Variants in SLC4A4 observed in about 807,000 individuals in gnomAD.
SLC4A4 encodes the protein solute carrier family 4 member 4, also known as electrogenic sodium bicarbonate cotransporter 1.
A neutral mutation model predicts 111.5 loss-of-function variants in SLC4A4; 27 were observed. That is an observed-to-expected ratio of 0.24 (90% confidence interval 0.18 to 0.33). SLC4A4 has a LOEUF of 0.33. Among genes scored for constraint, SLC4A4 ranks in the 10% least tolerant of loss-of-function variants. The pLI is 1.00. For synonymous variants in SLC4A4, 443 were observed against 463.4 expected (o/e 0.96, Z 0.57); for missense variants, 909 against 1,315.5 (o/e 0.69, Z 4.78).
chr4:71,445,810 A>AC (rs1336778144), intron 8 of SLC4A4, among the ~76,000 whole-genome samples: 6 of 152,234 alleles, frequency 3.9e-5, no homozygotes, highest in Non-Finnish European at 7.3e-5. Context: ...CAGTCCCTTT[A>AC]GAAAAATACA....
intron 8 of SLC4A4, among the ~76,000 whole-genome samples, chr4:71,441,514 T>G (rs1014155219): frequency 8.7e-5 from 13 of 148,690 alleles, no homozygotes; most frequent in Non-Finnish European, 1.6e-4. Flanking sequence ...GACTTTTTTT[T>G]GGGATGGGGG....
At chr4:71,127,758 T>C (rs77268305) in intron 2 of SLC4A4, among the ~76,000 whole-genome samples, 3,988 of 152,324 alleles carry the variant, frequency 0.026, 195 homozygotes, top group African/African-American at 0.089. Context: ...AACATACATA[T>C]GTACATACAT....
chr4:71,430,795 C>A (rs1046779812), intron 7 of SLC4A4, among the ~76,000 whole-genome samples: 34 of 152,236 alleles, frequency 2.2e-4, no homozygotes, highest in African/African-American at 7.9e-4. Context: ...CGGGGAACAA[C>A]CTCAGCTGAA....
intron 3 of SLC4A4, among the ~76,000 whole-genome samples, chr4:71,277,531 C>T (rs2149087659): frequency 6.6e-6 from 1 of 151,128 alleles, no homozygotes; most frequent in African/African-American, 2.4e-5. Flanking sequence ...TCCTTCCTTC[C>T]TTCTCTTTTT....
chr4:71,554,621 C>A (rs939428094), intron 20 of SLC4A4, among the ~76,000 whole-genome samples: 1 of 151,618 alleles, frequency 6.6e-6, no homozygotes, highest in Non-Finnish European at 1.5e-5. Flanking sequence ...TTGCAAGAAG[C>A]GAGGGGATAG....
intron 16 of SLC4A4, among the ~76,000 whole-genome samples, chr4:71,530,197 G>A (rs1733795283): frequency 6.6e-6 from 1 of 152,048 alleles, no homozygotes; most frequent in Non-Finnish European, 1.5e-5. Flanking sequence ...CCTGACAGTA[G>A]ATCATTTAGT....
chr4:71,138,178 T>C (rs911514409), intron 2 of SLC4A4, among the ~76,000 whole-genome samples: 1 of 152,206 alleles, frequency 6.6e-6, no homozygotes, highest in Non-Finnish European at 1.5e-5. Flanking sequence ...CTACTTTGAA[T>C]AAAACACAGT....
At chr4:71,459,022 T>G (rs1294950787) in intron 12 of SLC4A4, among the ~76,000 whole-genome samples, 1 of 152,078 alleles carries the variant, frequency 6.6e-6, no homozygotes, top group East Asian at 1.9e-4. Flanking sequence ...ATAAGGATTC[T>G]GCATTACCTG....
chr4:71,229,138 T>A (rs563889136), intron 1 of SLC4A4, among the ~76,000 whole-genome samples: 1 of 152,330 alleles, frequency 6.6e-6, no homozygotes, highest in Non-Finnish European at 1.5e-5. Context: ...TGTCACTCCA[T>A]ATAAATTGTA....
Position 71,398,763 on chromosome 4 carries a change from G to C in SLC4A4, c.807+1110G>C, listed in dbSNP as rs183480135. 9.9e-5 allele frequency among the ~76,000 whole-genome samples: 15 copies of C among 152,268 alleles called. No individual in the cohort carries two copies. In the South Asian group the frequency reaches 2.7e-3, roughly 27 times the overall value. On this transcript the variant is annotated intron_variant, in intron 7 of 25. Transcript: ENST00000264485. ...TTGTGTGATGATGGACACTAGTTTTGTTCTTTGCTAAGTGGAAACTATAAT... is the reference window on the plus strand; with the variant it reads ...TTGTGTGATGATGGACACTAGTTTTCTTCTTTGCTAAGTGGAAACTATAAT...
chr4:71,231,575 G>T (rs901785719), intron 1 of SLC4A4, among the ~76,000 whole-genome samples: 5 of 152,210 alleles, frequency 3.3e-5, no homozygotes, highest in African/African-American at 2.4e-5. Flanking sequence ...ACGGTCAGAG[G>T]CCTGGCTGAA....
chr4:71,153,785 G>A (rs1439870464), intron 2 of SLC4A4, among the ~76,000 whole-genome samples: 3 of 152,136 alleles, frequency 2.0e-5, no homozygotes, highest in East Asian at 3.9e-4. Context: ...TAAAGAGACA[G>A]ATGGAAATGT....
At chr4:71,308,942 C>T (rs1725916214) in intron 3 of SLC4A4, among the ~76,000 whole-genome samples, 1 of 152,192 alleles carries the variant, frequency 6.6e-6, no homozygotes, top group African/African-American at 2.4e-5. Context: ...TGCAGTGGAT[C>T]CTACTCCCAC....
intron 2 of SLC4A4, among the ~76,000 whole-genome samples, chr4:71,240,004 G>A (rs983755967): frequency 6.6e-6 from 1 of 152,134 alleles, no homozygotes; most frequent in African/African-American, 2.4e-5. Context: ...TTACCAGAAT[G>A]ATCCATAAGT....
chr4:71,373,966 T>C (rs1732116071), intron 6 of SLC4A4, among the ~76,000 whole-genome samples: 1 of 152,146 alleles, frequency 6.6e-6, no homozygotes, highest in Non-Finnish European at 1.5e-5. Context: ...TACAGAAGCA[T>C]GACAGTTAAG....
intron 2 of SLC4A4, among the ~76,000 whole-genome samples, chr4:71,132,538 G>A (rs990601040): frequency 2.0e-5 from 3 of 152,146 alleles, no homozygotes; most frequent in Non-Finnish European, 4.4e-5. Context: ...GTTTTTTATA[G>A]CAAGGGTAGG....
chr4:71,546,191 G>GA (rs1361670944), intron 18 of SLC4A4, among the ~76,000 whole-genome samples, 159 bp from the exon 19 acceptor site: 1 of 151,986 alleles, frequency 6.6e-6, no homozygotes, highest in Non-Finnish European at 1.5e-5. Flanking sequence ...TTGCTAGGGG[G>GA]AATAATACAA....
chr4:71,461,949 A>G (rs1384765932), intron 12 of SLC4A4, among the ~76,000 whole-genome samples: 1 of 152,182 alleles, frequency 6.6e-6, no homozygotes, highest in African/African-American at 2.4e-5. Context: ...GTTGCCGCCT[A>G]AGACTTTTCT....
rs1214761038 is a variant in SLC4A4 at position 71,447,664 on chromosome 4, A to G, written c.984A>G (p.Leu328=). ...CCATTAGGTTCTTGTTCATTCTCTT[A>G]GGTCCTAAGGGGAAAGCCAAGTCCT... ...PVPTRFLFIL[L]GPKGKAKSYH... Residue 328 remains leucine, a synonymous_variant, in exon 9 of 26, where the codon TTA becomes TTG. Transcript: ENST00000264485. The G allele has an allele frequency of 1.2e-6, 2 of 1,610,882 alleles. No homozygotes were observed. The highest frequency in any genetic ancestry group is 2.2e-5 in the East Asian group (1 of 44,818).
Sources: gnomAD v4.1 joint callset for allele counts (sites outside exome capture counted in the v4.1 genomes callset) on GRCh38, gnomAD v4.1.1 for gene constraint, MANE v1.5 for transcripts, NCBI Gene and HGNC (gene_info 2026-07-23, HGNC 2026-07-21) for gene names.